The following AFF3 variants were observed in gnomAD, a reference collection of about 807,000 sequenced individuals.
AFF3 encodes AF4/FMR2 family member 3.
In AFF3, 32 loss-of-function variants were observed where a neutral mutation model predicts 129.7. The ratio of observed to expected loss-of-function variants is 0.25; its 90% confidence interval spans 0.19 to 0.33. AFF3 has a LOEUF of 0.33. AFF3 is among the 10% of genes least tolerant of loss of function. The pLI is 1.00. For missense variants in AFF3, 1,373 were observed against 1,592.0 expected, an observed-to-expected ratio of 0.86 and a Z score of 2.34; for synonymous variants, 644 against 635.4, an observed-to-expected ratio of 1.01 and a Z score of -0.20.
chr2:100,003,369 G>A (rs1175102266), intron 7 of AFF3, among the ~76,000 whole-genome samples: 1 of 152,152 alleles, frequency 6.6e-6, no homozygotes, highest in Non-Finnish European at 1.5e-5. Context: ...AATTCAGTGT[G>A]CTGTGCCCTA....
chr2:99,954,977 A>T (rs941627429), intron 7 of AFF3, among the ~76,000 whole-genome samples: 4 of 152,140 alleles, frequency 2.6e-5, no homozygotes, highest in East Asian at 1.9e-4. Context: ...AACTACAAAA[A>T]AAATAAATAA....
chr2:100,109,425 C>G (rs936012731), intron 2 of AFF3, among the ~76,000 whole-genome samples: 13 of 147,204 alleles, frequency 8.8e-5, no homozygotes, highest in Admixed American at 4.8e-4. Context: ...TTCATAAAAG[C>G]GGATCAGAAA....
At chr2:99,837,447 T>C (rs769689458) in intron 8 of AFF3, 30 bp downstream of exon 8, 4 of 1,601,122 alleles carry the variant, frequency 2.5e-6, no homozygotes, top group Admixed American at 1.7e-5. Context: ...GTCCCACAGA[T>C]TGATAAGACT....
intron 4 of AFF3, among the ~76,000 whole-genome samples, chr2:100,055,662 C>G (rs904571031): frequency 6.6e-6 from 1 of 152,018 alleles, no homozygotes; most frequent in Non-Finnish European, 1.5e-5. Flanking sequence ...TGTTAAAGAG[C>G]CAGAAAGCAA....
intron 8 of AFF3, among the ~76,000 whole-genome samples, chr2:99,813,095 G>A (rs1686921630): frequency 2.6e-5 from 4 of 151,992 alleles, no homozygotes. Flanking sequence ...CTTCCCTTCT[G>A]GAACATTTTC....
chr2:99,556,661 T>C (rs1358962929), intron 22 of AFF3, among the ~76,000 whole-genome samples: 2 of 152,236 alleles, frequency 1.3e-5, no homozygotes, highest in South Asian at 2.1e-4. Flanking sequence ...ATGGCTCACA[T>C]TGGTAATCCT....
chr2:100,057,772 G>A (rs569048124), intron 4 of AFF3, among the ~76,000 whole-genome samples: 1 of 152,140 alleles, frequency 6.6e-6, no homozygotes, highest in Non-Finnish European at 1.5e-5. Flanking sequence ...CTCCAAGGAA[G>A]TTTCTTCTCT....
intron 8 of AFF3, among the ~76,000 whole-genome samples, chr2:99,797,260 C>G (rs187747140): frequency 3.7e-4 from 57 of 152,164 alleles, no homozygotes; most frequent in Non-Finnish European, 7.6e-4. Flanking sequence ...ACCAAAGACC[C>G]AAACTGAGTT....
At chr2:99,765,678 A>G (rs1437472174) in intron 8 of AFF3, among the ~76,000 whole-genome samples, 1 of 152,228 alleles carries the variant, frequency 6.6e-6, no homozygotes, top group African/African-American at 2.4e-5. Flanking sequence ...TGCTACCTTT[A>G]TAACTAGTGT....
intron 4 of AFF3, among the ~76,000 whole-genome samples, chr2:100,095,319 C>G (rs892836402): frequency 6.6e-6 from 1 of 152,146 alleles, no homozygotes; most frequent in African/African-American, 2.4e-5. Flanking sequence ...TCTCCTCCCC[C>G]ACAATCTGAA....
At chr2:99,727,201 T>C (rs1679433424) in intron 10 of AFF3, 73 bp from the exon 11 acceptor site, 1 of 1,368,492 alleles carries the variant, frequency 7.3e-7, no homozygotes, top group African/African-American at 1.5e-5. Flanking sequence ...AGATTAAATA[T>C]ATTTCCATGC....
At chr2:100,132,077 T>C (rs1468988780) in intron 1 of AFF3, among the ~76,000 whole-genome samples, 1 of 152,200 alleles carries the variant, frequency 6.6e-6, no homozygotes, top group Non-Finnish European at 1.5e-5. Flanking sequence ...TGGTTCCCCA[T>C]CTAAACCCAC....
At chr2:99,712,717 C>G (rs1211010661) in intron 11 of AFF3, among the ~76,000 whole-genome samples, 1 of 152,144 alleles carries the variant, frequency 6.6e-6, no homozygotes, top group Non-Finnish European at 1.5e-5. Flanking sequence ...AGGTTATAGT[C>G]ATAAAGTTTT....
intron 12 of AFF3, among the ~76,000 whole-genome samples, chr2:99,652,281 C>T (rs1685331455): frequency 6.6e-6 from 1 of 152,158 alleles, no homozygotes; most frequent in Non-Finnish European, 1.5e-5. Flanking sequence ...CCGGGGCACC[C>T]ATGACTCCCA....
intron 13 of AFF3, among the ~76,000 whole-genome samples, chr2:99,606,092 C>A (rs968053669): frequency 5.3e-5 from 8 of 152,106 alleles, no homozygotes; most frequent in Non-Finnish European, 1.2e-4. Flanking sequence ...TAAGCCTGGG[C>A]AGCATAGTGA....
At chr2:99,949,367 C>T (rs968085273) in intron 7 of AFF3, among the ~76,000 whole-genome samples, 23 of 151,944 alleles carry the variant, frequency 1.5e-4, no homozygotes, top group African/African-American at 5.3e-4. Context: ...GCAGTATAGA[C>T]CAATTTTGTG....
intron 11 of AFF3, among the ~76,000 whole-genome samples, chr2:99,717,889 T>A (rs186044248): frequency 6.6e-6 from 1 of 152,318 alleles, no homozygotes; most frequent in East Asian, 1.9e-4. Flanking sequence ...GAGATTCATT[T>A]TTCCCCTGAG....
At chr2:100,083,393 T>C (rs1689170067) in intron 4 of AFF3, among the ~76,000 whole-genome samples, 1 of 152,210 alleles carries the variant, frequency 6.6e-6, no homozygotes, top group African/African-American at 2.4e-5. Flanking sequence ...TGCATTGTGC[T>C]TATGACCTGG....
At position 99,649,673 on chromosome 2, in the gene AFF3, G is replaced by A; in HGVS notation, c.1144-7C>T. On this transcript the variant is annotated splice_polypyrimidine_tract_variant and splice_region_variant and intron_variant, in intron 12 of 24. Transcript: ENST00000672756. ...CCGTTCTCTGAGCTGCCTGCTGGAA[G>A]AAAGAAAGGGCAGAGATGTTTATTT... is the stretch of plus-strand genomic sequence containing the variant. 1 of 1,614,030 alleles carries A rather than the reference G, an allele frequency of 6.2e-7. No homozygotes were observed. Among genetic ancestry groups the A allele is most frequent in the Non-Finnish European group, 8.5e-7 (1 of 1,179,912 alleles).
Sources: allele counts gnomAD v4.1 joint callset (sites outside exome capture counted in the v4.1 genomes callset), GRCh38; gene constraint gnomAD v4.1.1; transcripts MANE v1.5; gene names NCBI Gene and HGNC (gene_info 2026-07-23, HGNC 2026-07-21).